CDC37L1: variants seen among roughly 807,000 people sequenced by gnomAD.
CDC37L1 encodes hsp90 co-chaperone Cdc37-like 1.
CDC37L1 carries 32 observed loss-of-function variants against 45.9 expected under a neutral mutation model. That is an observed-to-expected ratio of 0.70 (90% CI 0.53 to 0.94). The LOEUF (loss-of-function observed/expected upper bound fraction) is 0.94. Ranked by LOEUF, CDC37L1 falls within the 40% of genes least tolerant of loss-of-function variation. The probability of loss-of-function intolerance (pLI) is 0.00; values close to 1 mark genes in which losing one functional copy is unlikely to be tolerated. For missense variants in CDC37L1, 434 were observed against 405.7 expected (o/e 1.07, Z -0.60); for synonymous variants, 150 against 133.0 (o/e 1.13, Z -0.88).
chr9:4,693,389 G>A (rs12350800), intron 3 of CDC37L1, among the ~76,000 whole-genome samples: 2,579 of 152,148 alleles, frequency 0.017, 51 homozygotes, highest in African/African-American at 0.049. Context: ...GCTGCAATGA[G>A]TTGTGATTGC....
At chr9:4,680,155 A>T (rs1269598275) in intron 1 of CDC37L1, among the ~76,000 whole-genome samples, 1 of 151,532 alleles carries the variant, frequency 6.6e-6, no homozygotes, top group South Asian at 2.1e-4. Context: ...ATTCCTGTTC[A>T]CTCTTGGAAT....
intron 3 of CDC37L1, among the ~76,000 whole-genome samples, chr9:4,689,324 T>C (rs1054908290): frequency 2.3e-4 from 32 of 137,056 alleles, no homozygotes; most frequent in African/African-American, 9.3e-4. Context: ...GGTTTAAAAC[T>C]TTTTTTTTTT....
rs1238188353 is a variant in CDC37L1, at chr9:4,679,763, C to A, written c.-5C>A. 1.9e-6 allele frequency: 3 copies of A among 1,610,108 alleles called. No individual in the cohort carries two copies. Among genetic ancestry groups the A allele is most frequent in the Admixed American group, 3.4e-5 (2 of 59,654 alleles). The stretch of plus-strand genomic sequence containing the variant: ...GGGCGGTTGTAGGACCCGGAGCAGC[C>A]GGACATGGAACAACCGTGGCCGCCT... On this transcript the variant is annotated 5_prime_UTR_variant, in exon 1 of 7. Transcript: ENST00000381854.
chr9:4,689,871 T>C (rs1454466445), intron 3 of CDC37L1, among the ~76,000 whole-genome samples: 5 of 152,254 alleles, frequency 3.3e-5, no homozygotes, highest in Admixed American at 2.0e-4. Context: ...TACTGATTGC[T>C]CTTTCAGAGC....
chr9:4,695,835 G>A (rs1241015549), intron 3 of CDC37L1, among the ~76,000 whole-genome samples: 1 of 152,156 alleles, frequency 6.6e-6, no homozygotes, highest in Non-Finnish European at 1.5e-5. Flanking sequence ...CTGTCGCCCA[G>A]GCTGGAGTGC....
At position 4,688,506 on chromosome 9, in the gene CDC37L1, TTC is replaced by T; in HGVS notation, c.415-5_415-4del. 1 of 1,366,406 alleles carries T rather than the reference TTC, an allele frequency of 7.3e-7. No individual in the cohort carries two copies. The highest frequency in any genetic ancestry group is 2.5e-5 in the East Asian group (1 of 39,982). 84.6% of individuals were successfully genotyped at this position (1,366,406 alleles called of 1,614,324 possible). ...ATCTGATTTAAATTTCTAAAATTTT[TTC>T]TTAGAGTTTTATTAATCAAGATAAA... On this transcript the variant is annotated splice_polypyrimidine_tract_variant and splice_region_variant and intron_variant, in intron 2 of 6. Transcript: ENST00000381854.
chr9:4,698,852 A>G (rs1841372570), intron 5 of CDC37L1, among the ~76,000 whole-genome samples: 1 of 152,202 alleles, frequency 6.6e-6, no homozygotes, highest in South Asian at 2.1e-4. Context: ...ATGAGAATCT[A>G]GCCATCTTCT....
intron 5 of CDC37L1, among the ~76,000 whole-genome samples, chr9:4,699,427 C>T (rs2130852808): frequency 6.6e-6 from 1 of 152,236 alleles, no homozygotes; most frequent in South Asian, 2.1e-4. Context: ...AGATATTCAA[C>T]CTGTATATTC....
intron 3 of CDC37L1, among the ~76,000 whole-genome samples, chr9:4,694,082 T>C (rs1235346218): frequency 6.6e-6 from 1 of 152,200 alleles, no homozygotes; most frequent in African/African-American, 2.4e-5. Context: ...TTGATTCTCC[T>C]TATGTGTTTT....
intron 6 of CDC37L1, among the ~76,000 whole-genome samples, chr9:4,702,805 C>T (rs552840966): frequency 6.4e-4 from 90 of 141,676 alleles, no homozygotes; most frequent in African/African-American, 2.3e-3. Context: ...AGGAGAATGG[C>T]GTGAACCCGG....
chr9:4,703,671 C>G (rs961160578), intron 6 of CDC37L1, among the ~76,000 whole-genome samples: 5 of 152,112 alleles, frequency 3.3e-5, no homozygotes, highest in African/African-American at 9.7e-5. Context: ...GTAACTGATT[C>G]TAAATATAAG....
chr9:4,691,561 T>C (rs1350187013), intron 3 of CDC37L1, among the ~76,000 whole-genome samples: 3 of 152,158 alleles, frequency 2.0e-5, no homozygotes, highest in Non-Finnish European at 2.9e-5. Flanking sequence ...TCTGGACTCT[T>C]GGTTGACACG....
At chr9:4,697,243 A>T (rs370349660) in intron 4 of CDC37L1, 32 bp downstream of exon 4, 1 of 937,384 alleles carries the variant, frequency 1.1e-6, no homozygotes, top group Non-Finnish European at 1.7e-6. Flanking sequence ...GTTTCTGGGA[A>T]CCTTAGTGGA....
intron 1 of CDC37L1, among the ~76,000 whole-genome samples, chr9:4,681,806 T>C (rs1841196701): frequency 6.6e-6 from 1 of 152,212 alleles, no homozygotes; most frequent in Admixed American, 6.5e-5. Context: ...AAAAAAGCTT[T>C]GGCTTAATTT....
rs1380781227 is a variant in CDC37L1 at position 4,703,049 on chromosome 9, A to G, written c.912+1021A>G. ...TTCCTACCCATTTGATTTTACTAGT[A>G]GCACTTTAATAGAGCCCAGTCATCT... is the stretch of plus-strand genomic sequence containing the variant. On this transcript the variant is annotated intron_variant, in intron 6 of 6. Transcript: ENST00000381854. The G allele has an allele frequency of 2.0e-6, 3 of 1,531,194 alleles. No homozygotes were observed. In the East Asian group the frequency reaches 7.4e-5, roughly 38 times the overall value. The allele number at this position is 1,531,194 out of a possible 1,614,324, so 94.9% of individuals were successfully genotyped here.
At chr9:4,688,178 T>G (rs967449733) in intron 2 of CDC37L1, among the ~76,000 whole-genome samples, 12 of 152,202 alleles carry the variant, frequency 7.9e-5, no homozygotes, top group Admixed American at 2.0e-4. Context: ...TTTTGTATTT[T>G]TAGTAGAGAC....
At position 4,706,145 on chromosome 9, in the gene CDC37L1, T is replaced by TCCA; in HGVS notation, c.*33_*34insCCA. 9.7e-7 allele frequency: 1 copy of TCCA among 1,031,118 alleles called. No individual in the cohort carries two copies. The highest frequency in any genetic ancestry group is 1.5e-6 in the Non-Finnish European group (1 of 653,156). The allele number at this position is 1,031,118 out of a possible 1,614,324, so 63.9% of individuals were successfully genotyped here. On this transcript the variant is annotated 3_prime_UTR_variant, in exon 7 of 7. Transcript: ENST00000381854. ...AAGACTGCTGAGGCCAAGTGCTATT[T>TCCA]TGTTACAAGAAAGGAAGAACTTGGC...
At chr9:4,702,189 T>C (rs920594826) in intron 6 of CDC37L1, among the ~76,000 whole-genome samples, 161 bp downstream of exon 6, 1 of 152,192 alleles carries the variant, frequency 6.6e-6, no homozygotes, top group African/African-American at 2.4e-5. Flanking sequence ...GTTTTGGTGC[T>C]GAATCTCACC....
At chr9:4,697,240 G>A (rs749830092) in intron 4 of CDC37L1, 29 bp downstream of exon 4, 1 of 986,108 alleles carries the variant, frequency 1.0e-6, no homozygotes, top group Non-Finnish European at 1.6e-6. Flanking sequence ...TGAGTTTCTG[G>A]GAACCTTAGT....
Sources: gnomAD v4.1 joint callset for allele counts (sites outside exome capture counted in the v4.1 genomes callset) on GRCh38, gnomAD v4.1.1 for gene constraint, MANE v1.5 for transcripts, NCBI Gene and HGNC (gene_info 2026-07-23, HGNC 2026-07-21) for gene names.